Variants in NELL2 observed in about 807,000 individuals in gnomAD.
NELL2 encodes the protein protein kinase C-binding protein NELL2.
Under a neutral mutation model 109.6 loss-of-function variants are expected in NELL2, and 41 were observed. That is an observed-to-expected ratio of 0.37 (90% CI 0.29 to 0.49). The LOEUF (loss-of-function observed/expected upper bound fraction) is 0.49, where lower values mean the gene tolerates loss of function less well. NELL2 is among the 20% of genes least tolerant of loss of function. The pLI is 0.98. For synonymous variants in NELL2, 355 were observed against 344.7 expected (o/e 1.03, Z -0.33); for missense variants, 900 against 1,008.3 (o/e 0.89, Z 1.45).
chr12:44,770,134 T>C (rs899174409), intron 9 of NELL2, among the ~76,000 whole-genome samples: 18 of 152,084 alleles, frequency 1.2e-4, no homozygotes, highest in African/African-American at 4.3e-4. Context: ...CAAAAGCAAA[T>C]GGCTATTTCA....
chr12:44,560,591 A>G (rs933956847), intron 15 of NELL2, among the ~76,000 whole-genome samples: 1 of 152,208 alleles, frequency 6.6e-6, no homozygotes, highest in African/African-American at 2.4e-5. Flanking sequence ...AGAAATGGAT[A>G]AATTCCTGCA....
intron 12 of NELL2, among the ~76,000 whole-genome samples, chr12:44,694,621 A>C (rs1292917966): frequency 6.7e-6 from 1 of 150,052 alleles, no homozygotes; most frequent in Non-Finnish European, 1.5e-5. Flanking sequence ...TTTTTTATTT[A>C]AGAAATTCTA....
At chr12:44,722,643 T>G (rs796562186) in intron 9 of NELL2, among the ~76,000 whole-genome samples, 1 of 152,170 alleles carries the variant, frequency 6.6e-6, no homozygotes, top group South Asian at 2.1e-4. Flanking sequence ...GAGGAGTGTT[T>G]GAAAATAAGC....
chr12:44,784,180 A>C (rs934547392), intron 3 of NELL2, among the ~76,000 whole-genome samples: 2 of 152,126 alleles, frequency 1.3e-5, no homozygotes, highest in African/African-American at 4.8e-5. Context: ...ATAAAAAGCA[A>C]CTATAAATAA....
chr12:44,707,612 C>G (rs1937956209), intron 11 of NELL2, among the ~76,000 whole-genome samples: 1 of 152,042 alleles, frequency 6.6e-6, no homozygotes, highest in South Asian at 2.1e-4. Context: ...AATGGATTAT[C>G]CTAGTGTTTC....
chr12:44,727,062 A>T (rs139062937), intron 9 of NELL2, among the ~76,000 whole-genome samples: 207 of 152,238 alleles, frequency 1.4e-3, no homozygotes, highest in African/African-American at 4.6e-3. Context: ...GAGACATGAA[A>T]TTCTGCATAT....
At chr12:44,869,199 C>A (rs534595809) in intron 2 of NELL2, among the ~76,000 whole-genome samples, 1 of 151,902 alleles carries the variant, frequency 6.6e-6, no homozygotes, top group Non-Finnish European at 1.5e-5. Flanking sequence ...TCTAAATATT[C>A]TCATTCAAAA....
intron 16 of NELL2, among the ~76,000 whole-genome samples, chr12:44,526,003 A>C (rs546162233): frequency 6.6e-6 from 1 of 152,328 alleles, no homozygotes; most frequent in African/African-American, 2.4e-5. Flanking sequence ...GAGAAACAGA[A>C]GTGCTGGTAT....
At position 44,523,280 on chromosome 12, in the gene NELL2, T is replaced by A; in HGVS notation, c.1998+11A>T. 1.1e-5 allele frequency: 18 copies of A among 1,613,972 alleles called. No homozygotes were observed. Among genetic ancestry groups the A allele is most frequent in the Non-Finnish European group, 1.5e-5 (18 of 1,179,872 alleles). ...GAATAAAATTAATTAAAGTTTTTCATTTATACCAACCTGACATGAGCACAC... is the reference window on the plus strand; with the variant it reads ...GAATAAAATTAATTAAAGTTTTTCAATTATACCAACCTGACATGAGCACAC... On this transcript the variant is annotated intron_variant, in intron 17 of 19. Transcript: ENST00000429094.
At chr12:44,799,842 T>C (rs933555114) in intron 3 of NELL2, among the ~76,000 whole-genome samples, 1 of 152,174 alleles carries the variant, frequency 6.6e-6, no homozygotes, top group African/African-American at 2.4e-5. Context: ...TTGTAGAGGC[T>C]CAAATAAAAT....
intron 2 of NELL2, among the ~76,000 whole-genome samples, chr12:44,817,599 A>G (rs1943394597): frequency 6.6e-6 from 1 of 152,168 alleles, no homozygotes; most frequent in Non-Finnish European, 1.5e-5. Flanking sequence ...AGCATACCAG[A>G]CATAGGAAAA....
chr12:44,594,302 T>TTA (rs953863647), intron 15 of NELL2, among the ~76,000 whole-genome samples: 40 of 150,830 alleles, frequency 2.7e-4, no homozygotes, highest in African/African-American at 5.8e-4. Context: ...TAAAAATATA[T>TTA]TATATATATA....
At chr12:44,723,987 A>G (rs1938932332) in intron 9 of NELL2, among the ~76,000 whole-genome samples, 2 of 152,090 alleles carry the variant, frequency 1.3e-5, no homozygotes, top group Admixed American at 1.3e-4. Context: ...CATGGAATCA[A>G]CCTAACTGCC....
chr12:44,568,113 C>G (rs1301884708), intron 15 of NELL2, among the ~76,000 whole-genome samples: 1 of 151,946 alleles, frequency 6.6e-6, no homozygotes, highest in Non-Finnish European at 1.5e-5. Context: ...CATTAAAAGA[C>G]TTGCAGATGA....
intron 1 of NELL2, among the ~76,000 whole-genome samples, chr12:44,882,463 T>C (rs1411461532): frequency 1.3e-5 from 2 of 151,062 alleles, no homozygotes; most frequent in Admixed American, 6.6e-5. Flanking sequence ...TCAACATATA[T>C]ACATATGTGT....
chr12:44,711,091 A>G (rs1490831387), intron 11 of NELL2, among the ~76,000 whole-genome samples: 1 of 152,146 alleles, frequency 6.6e-6, no homozygotes, highest in Non-Finnish European at 1.5e-5. Context: ...AATGCACAGG[A>G]GCAGTTCAGT....
intron 3 of NELL2, among the ~76,000 whole-genome samples, chr12:44,783,398 T>TA (rs1169259843): frequency 6.6e-6 from 1 of 151,292 alleles, no homozygotes; most frequent in African/African-American, 2.4e-5. Flanking sequence ...CAATACAATT[T>TA]AAAAAAATTG....
chr12:44,520,031 T>A lies in NELL2; in HGVS notation c.2374A>T (p.Thr792Ser). The change falls in exon 19 of 20, where the codon ACT becomes TCT. Residue 792 changes from threonine (T) to serine (S), a missense_variant. Physicochemically the swap from Thr to Ser is moderately conservative, Grantham distance 58 (BLOSUM62 1). Around this residue, in one of 4 missense-constraint regions of NELL2, gnomAD observed 333 missense variants for 432.3 expected, o/e 0.77. Coordinates refer to ENST00000429094, the MANE Select transcript of NELL2 (RefSeq NM_001145108.2). ...FTGSSWIKHG[T>S]ECTLCQCKNG... ...TTGCACTGGCAGAGAGTACACTCAG[T>A]GCCATGTTTGATCCAAGAGGACCCG... 6.2e-7 allele frequency: 1 copy of A among 1,614,170 alleles called. No homozygotes were observed. Among genetic ancestry groups the A allele is most frequent in the Non-Finnish European group, 8.5e-7 (1 of 1,180,030 alleles).
chr12:44,563,980 A>T (rs1186165000), intron 15 of NELL2, among the ~76,000 whole-genome samples: 1 of 152,212 alleles, frequency 6.6e-6, no homozygotes, highest in African/African-American at 2.4e-5. Flanking sequence ...GCATATATTG[A>T]TATAATCCTA....
Sources: allele counts gnomAD v4.1 joint callset (sites outside exome capture counted in the v4.1 genomes callset), GRCh38; gene constraint gnomAD v4.1.1; regional missense constraint gnomAD v4.1.1; transcripts MANE v1.5; gene names NCBI Gene and HGNC (gene_info 2026-07-23, HGNC 2026-07-21).